Variants in GRIP2 observed in about 807,000 individuals in gnomAD.
GRIP2 encodes glutamate receptor-interacting protein 2.
In GRIP2, 58 loss-of-function variants were observed where a neutral mutation model predicts 108.3. That is an observed-to-expected ratio of 0.54 (90% CI 0.43 to 0.67). The LOEUF (loss-of-function observed/expected upper bound fraction) is 0.67. Among genes scored for constraint, GRIP2 ranks in the 30% least tolerant of loss-of-function variants. The probability of loss-of-function intolerance (pLI) is 0.00; values close to 1 mark genes in which losing one functional copy is unlikely to be tolerated. For missense variants in GRIP2, 1,278 were observed against 1,430.6 expected (o/e 0.89, Z 1.72); for synonymous variants, 586 against 598.2 (o/e 0.98, Z 0.30).
the GRIP2 span, among the ~76,000 whole-genome samples, chr3:14,589,183 A>C: frequency 6.6e-6 from 1 of 151,566 alleles, no homozygotes; most frequent in South Asian, 2.1e-4. Context: ...GAACGGGTGC[A>C]CTGGGGACGT....
At chr3:14,534,363 C>T (rs1694783646) in intron 1 of GRIP2, among the ~76,000 whole-genome samples, 1 of 151,580 alleles carries the variant, frequency 6.6e-6, no homozygotes, top group South Asian at 2.1e-4. Flanking sequence ...GGGGTCAGAC[C>T]CTAGGCCCCC....
At chr3:14,498,555 G>A (rs992522564) in intron 21 of GRIP2, among the ~76,000 whole-genome samples, 2 of 152,180 alleles carry the variant, frequency 1.3e-5, no homozygotes, top group African/African-American at 4.8e-5. Context: ...AGGAGGCAGA[G>A]AAGCACCTTT....
intron 20 of GRIP2, among the ~76,000 whole-genome samples, chr3:14,504,212 GTTCACAA>G (rs1229989443): frequency 6.6e-6 from 1 of 151,860 alleles, no homozygotes; most frequent in Non-Finnish European, 1.5e-5. Flanking sequence ...GTCTCAGAAA[GTTCACAA>G]TTCACATTTT....
chr3:14,546,158 T>C (rs1283115746), upstream of GRIP2, among the ~76,000 whole-genome samples: 3 of 152,222 alleles, frequency 2.0e-5, no homozygotes, highest in South Asian at 2.1e-4. Flanking sequence ...AGGGGACTGC[T>C]CTGCAGTAAC....
At chr3:14,549,193 A>G (rs910149553) in intron 1 of GRIP2, among the ~76,000 whole-genome samples, 1 of 152,284 alleles carries the variant, frequency 6.6e-6, no homozygotes, top group African/African-American at 2.4e-5. Flanking sequence ...CTGAATTGCC[A>G]TATTGGAAAG....
chr3:14,506,695 G>C, intron 19 of GRIP2, 106 bp downstream of exon 19: 3 of 1,086,936 alleles, frequency 2.8e-6, no homozygotes, highest in Non-Finnish European at 3.8e-6. Flanking sequence ...TGCCAGGAGA[G>C]GAGCGCAGGA....
intron 7 of GRIP2, chr3:14,520,752 G>T: frequency 1.7e-6 from 1 of 589,806 alleles, no homozygotes; most frequent in South Asian, 2.1e-5. Flanking sequence ...AGGGGCAGGA[G>T]CTCAGGTCTG....
chr3:14,520,753 C>T (rs558516264), intron 7 of GRIP2: 2 of 590,002 alleles, frequency 3.4e-6, no homozygotes. Flanking sequence ...GGGGCAGGAG[C>T]TCAGGTCTGA....
rs535668052 is a variant in GRIP2 at position 14,491,348 on chromosome 3, T to C, written c.*2317A>G. 2.0e-5 allele frequency: 3 copies of C among 152,324 alleles called. No individual in the cohort carries two copies. The highest frequency in any genetic ancestry group is 6.5e-5 in the Admixed American group (1 of 15,296). The allele number at this position is 152,324 out of a possible 1,614,324, so 9.4% of individuals were successfully genotyped here. On this transcript the variant is annotated 3_prime_UTR_variant, in exon 24 of 24. Transcript: ENST00000621039. Reference sequence around the variant, plus strand: ...GAAAACCCGATGTAGAAAAATACTTTACAAGGAATGTGTTCTAATCTCAGC... The same window carrying C: ...GAAAACCCGATGTAGAAAAATACTTCACAAGGAATGTGTTCTAATCTCAGC...
chr3:14,553,106 CTTT>C (rs35902290), intron 1 of GRIP2, among the ~76,000 whole-genome samples: 193 of 131,428 alleles, frequency 1.5e-3, no homozygotes, highest in East Asian at 4.0e-3. Flanking sequence ...ATTTTCTTTC[CTTT>C]TTTTTTTTTT....
In GRIP2 at chr3:14,494,901, A is replaced by C. The variant is rs1254514479; in HGVS notation, c.2912T>G (p.Val971Gly). The C allele has an allele frequency of 6.2e-7, 1 of 1,613,946 alleles. No homozygotes were observed. The highest frequency in any genetic ancestry group is 2.2e-5 in the East Asian group (1 of 44,872). ...ACGGTGGGCTGGCCCATCAGGGCGC[A>C]CAGTGTGGACATAGACACCTTTTTC... ...LLEKGVYVHT[V>G]RPDGPAHRGG... The change falls in exon 23 of 24, where the codon GTG (valine) becomes GGG (glycine). Residue 971 changes from valine (V) to glycine (G), a missense_variant. By Grantham distance (109) the Val-to-Gly change is moderately radical. Coordinates refer to ENST00000621039, the MANE Select transcript of GRIP2 (RefSeq NM_001080423.4).
At chr3:14,516,958 G>T in intron 11 of GRIP2, 106 bp downstream of exon 11, 1 of 1,120,720 alleles carries the variant, frequency 8.9e-7, no homozygotes, top group South Asian at 2.4e-5. Flanking sequence ...CATACACCTG[G>T]AGCTCTGCCC....
chr3:14,574,395 C>A, the GRIP2 span: 4 of 803,006 alleles, frequency 5.0e-6, no homozygotes, highest in African/African-American at 5.1e-5. Context: ...CATCTCCTGT[C>A]GGAGCCGCAC....
At position 14,517,885 on chromosome 3, in the gene GRIP2, C is replaced by T. The variant is rs1354934307; in HGVS notation, c.1043G>A (p.Arg348Lys). ...GTCCCAGCGGTGCAGCTGCTCACTC[C>T]TCTGCACTTTCACTGTAGCCAGCGG... ...LRPSEAVKVQ[R>K]SEQLHRWDPC... The change falls in exon 10 of 24, where the codon AGG (arginine) becomes AAG (lysine). Residue 348 changes from arginine (R) to lysine (K), a missense_variant. Coordinates refer to ENST00000621039, the MANE Select transcript of GRIP2 (RefSeq NM_001080423.4). The T allele has an allele frequency of 6.4e-7, 1 of 1,574,478 alleles. No homozygotes were observed. Among genetic ancestry groups the T allele is most frequent in the East Asian group, 2.3e-5 (1 of 43,522 alleles).
At chr3:14,580,710 A>C in the GRIP2 span, among the ~76,000 whole-genome samples, 1 of 152,182 alleles carries the variant, frequency 6.6e-6, no homozygotes, top group East Asian at 1.9e-4. Flanking sequence ...TCAAAAACAA[A>C]AGAAACAAAC....
At position 14,489,445 on chromosome 3, in the gene GRIP2, T is replaced by G. The variant is rs1030890789; in HGVS notation, c.*4220A>C. Reference sequence around the variant, plus strand: ...GGCTTCCCGTCCAATCCCAGGACGCTCCTCAAAGGTAGGTATTTTCCCAGG... The same window carrying G: ...GGCTTCCCGTCCAATCCCAGGACGCGCCTCAAAGGTAGGTATTTTCCCAGG... On this transcript the variant is annotated 3_prime_UTR_variant, in exon 24 of 24. Coordinates refer to ENST00000621039, the MANE Select transcript of GRIP2 (RefSeq NM_001080423.4). 1 of 152,594 alleles carries G rather than the reference T, an allele frequency of 6.6e-6. No homozygotes were observed. Among genetic ancestry groups the G allele is most frequent in the African/African-American group, 2.4e-5 (1 of 41,432 alleles). 9.5% of individuals were successfully genotyped at this position (152,594 alleles called of 1,614,324 possible).
rs774140204 is a variant in GRIP2, at chr3:14,496,411, GC to G, written c.2823+5del. 1.2e-6 allele frequency: 2 copies of G among 1,607,388 alleles called. No individual in the cohort carries two copies. Among genetic ancestry groups the G allele is most frequent in the Non-Finnish European group, 1.7e-6 (2 of 1,176,104 alleles). ...CAGGTCTCCTGTGCTCACCCCCTGTGCCTACCTTGTGCATCTCCAAGGGTGT... is the reference window on the plus strand; with the variant it reads ...CAGGTCTCCTGTGCTCACCCCCTGTGCTACCTTGTGCATCTCCAAGGGTGT... On this transcript the variant is annotated splice_donor_5th_base_variant and intron_variant, in intron 22 of 23. Coordinates refer to ENST00000621039, the MANE Select transcript of GRIP2 (RefSeq NM_001080423.4).
chr3:14,569,691 C>G, the GRIP2 span, among the ~76,000 whole-genome samples: 2 of 152,208 alleles, frequency 1.3e-5, no homozygotes, highest in South Asian at 2.1e-4. Context: ...CCACCACCCC[C>G]CTCTTGCTGC....
rs1249698205 is a variant in GRIP2 at position 14,521,899 on chromosome 3, G to A, written c.567-112C>T. ...AGGATGAAGAAGCAGGGAATGGGTG[G>A]GGGAGGAAGGGGAGGAGGGGACGGG... On this transcript the variant is annotated intron_variant, in intron 6 of 23. Coordinates refer to ENST00000621039, the MANE Select transcript of GRIP2 (RefSeq NM_001080423.4). The surrounding 1 kb of genome is among the most constrained non-coding windows in gnomAD (Gnocchi z 5.1). 7 of 984,860 alleles carry A rather than the reference G, an allele frequency of 7.1e-6. No individual in the cohort carries two copies. The highest frequency in any genetic ancestry group is 1.0e-5 in the Non-Finnish European group (7 of 696,568). The allele number at this position is 984,860 out of a possible 1,614,324, so 61.0% of individuals were successfully genotyped here. A position where few individuals can be genotyped will look rare whatever the true frequency, so the allele number is the denominator to read the frequency against.
Sources: allele counts gnomAD v4.1 joint callset (sites outside exome capture counted in the v4.1 genomes callset), GRCh38; gene constraint gnomAD v4.1.1; non-coding constraint Gnocchi (gnomAD v3.1); transcripts MANE v1.5; gene names NCBI Gene and HGNC (gene_info 2026-07-23, HGNC 2026-07-21).